The following MAML2 variants were observed in gnomAD, a reference collection of about 807,000 sequenced individuals.
The protein encoded by MAML2 is mastermind-like protein 2.
MAML2 carries 22 observed loss-of-function variants against 96.1 expected under a neutral mutation model. The ratio of observed to expected loss-of-function variants is 0.23; its 90% CI spans 0.16 to 0.33. MAML2 has a LOEUF of 0.33. MAML2 is among the 10% of genes least tolerant of loss of function. MAML2 has a pLI of 1.00. For synonymous variants in MAML2, 561 were observed against 521.3 expected, an observed-to-expected ratio of 1.08 and a Z score of -1.04; for missense variants, 1,367 against 1,392.4, an observed-to-expected ratio of 0.98 and a Z score of 0.29.
chr11:95,990,613 G>C (rs1230930834), intron 3 of MAML2, among the ~76,000 whole-genome samples: 1 of 152,134 alleles, frequency 6.6e-6, no homozygotes, highest in Non-Finnish European at 1.5e-5. Flanking sequence ...CTTCTCTAGG[G>C]TGAAGAGAGG....
At chr11:96,105,525 A>C (rs950738885) in intron 1 of MAML2, among the ~76,000 whole-genome samples, 1 of 152,244 alleles carries the variant, frequency 6.6e-6, no homozygotes, top group Non-Finnish European at 1.5e-5. Context: ...TCCATTACAA[A>C]GGAATGTTAA....
At chr11:96,198,368 G>T (rs1050617203) in intron 1 of MAML2, among the ~76,000 whole-genome samples, 1 of 152,156 alleles carries the variant, frequency 6.6e-6, no homozygotes, top group Non-Finnish European at 1.5e-5. Flanking sequence ...ACACAGAATC[G>T]CTTGTCAAAC....
At chr11:96,026,155 A>G (rs1858513561) in intron 2 of MAML2, among the ~76,000 whole-genome samples, 1 of 152,216 alleles carries the variant, frequency 6.6e-6, no homozygotes, top group Non-Finnish European at 1.5e-5. Flanking sequence ...CACCATCTGG[A>G]CTGCACTGTT....
At chr11:96,300,182 G>A in intron 1 of MAML2, among the ~76,000 whole-genome samples, 1 of 152,170 alleles carries the variant, frequency 6.6e-6, no homozygotes, top group East Asian at 1.9e-4. Context: ...TAAGGCCATG[G>A]GAATTAGTTC....
chr11:96,133,537 G>A (rs1860579131), intron 1 of MAML2, among the ~76,000 whole-genome samples: 1 of 151,944 alleles, frequency 6.6e-6, no homozygotes, highest in Admixed American at 6.6e-5. Context: ...CCTTCTCTTG[G>A]TCAATCGACT....
intron 2 of MAML2, among the ~76,000 whole-genome samples, chr11:96,057,075 C>A (rs1859081859): frequency 6.6e-6 from 1 of 151,972 alleles, no homozygotes. Context: ...GGTTTGCCCC[C>A]AAATCACCCA....
chr11:96,203,184 C>A (rs1434471341), intron 1 of MAML2, among the ~76,000 whole-genome samples: 1 of 152,158 alleles, frequency 6.6e-6, no homozygotes, highest in Non-Finnish European at 1.5e-5. Context: ...GTTTTAGGCA[C>A]TGGGCATTCA....
At chr11:96,202,031 T>G (rs1486915026) in intron 1 of MAML2, among the ~76,000 whole-genome samples, 1 of 149,664 alleles carries the variant, frequency 6.7e-6, no homozygotes, top group East Asian at 2.0e-4. Context: ...GAAAAAATCA[T>G]GTAAGAATTG....
intron 4 of MAML2, among the ~76,000 whole-genome samples, chr11:95,984,043 C>T (rs1196159546): frequency 2.0e-5 from 3 of 152,070 alleles, no homozygotes; most frequent in South Asian, 4.2e-4. Context: ...GCTCCATTCA[C>T]GGTAAGGGCC....
intron 1 of MAML2, among the ~76,000 whole-genome samples, chr11:96,338,751 C>T (rs985792564): frequency 6.6e-6 from 1 of 152,126 alleles, no homozygotes; most frequent in African/African-American, 2.4e-5. Flanking sequence ...GTTATACATT[C>T]AACACACCTA....
intron 1 of MAML2, among the ~76,000 whole-genome samples, chr11:96,149,356 G>C (rs1373778494): frequency 1.3e-5 from 2 of 148,354 alleles, no homozygotes; most frequent in Non-Finnish European, 3.0e-5. Flanking sequence ...GGTGGAGGCT[G>C]CGGTGAGCTG....
chr11:96,221,323 A>G (rs1417723843), intron 1 of MAML2, among the ~76,000 whole-genome samples: 1 of 152,140 alleles, frequency 6.6e-6, no homozygotes, highest in African/African-American at 2.4e-5. Flanking sequence ...CTTTAAAGTC[A>G]TTCCAAACCT....
intron 1 of MAML2, among the ~76,000 whole-genome samples, chr11:96,267,395 G>A (rs16923486): frequency 0.011 from 1,668 of 152,216 alleles, 26 homozygotes; most frequent in African/African-American, 0.038. Flanking sequence ...TTTCAACACT[G>A]TGTGGAATTA....
intron 2 of MAML2, among the ~76,000 whole-genome samples, chr11:96,079,269 A>G (rs1410938633): frequency 6.6e-6 from 1 of 152,210 alleles, no homozygotes; most frequent in Non-Finnish European, 1.5e-5. Context: ...TAAGTCTTTA[A>G]CCAGACTTAA....
chr11:96,242,158 C>T (rs1317845789), intron 1 of MAML2, among the ~76,000 whole-genome samples: 2 of 152,164 alleles, frequency 1.3e-5, no homozygotes, highest in Non-Finnish European at 2.9e-5. Flanking sequence ...CAAGTGGATG[C>T]CCCTCTTTCT....
intron 2 of MAML2, among the ~76,000 whole-genome samples, chr11:96,044,863 T>C (rs923950580): frequency 6.6e-6 from 1 of 152,230 alleles, no homozygotes; most frequent in Non-Finnish European, 1.5e-5. Flanking sequence ...TCCATTGTAA[T>C]GAAAGGGCTC....
At chr11:96,072,564 A>G (rs1253953038) in intron 2 of MAML2, among the ~76,000 whole-genome samples, 1 of 152,256 alleles carries the variant, frequency 6.6e-6, no homozygotes, top group Non-Finnish European at 1.5e-5. Context: ...CATAGTTTAC[A>G]TAAAGTAAGC....
chr11:96,214,865 C>A (rs746558267), intron 1 of MAML2, among the ~76,000 whole-genome samples: 1 of 152,214 alleles, frequency 6.6e-6, no homozygotes. Context: ...AATGCACATG[C>A]TCTGACCTTT....
chr11:96,274,406 T>A (rs1862958938), intron 1 of MAML2, among the ~76,000 whole-genome samples: 1 of 152,182 alleles, frequency 6.6e-6, no homozygotes, highest in African/African-American at 2.4e-5. Context: ...GGATTTCTCA[T>A]CTTTTTCTTT....
Sources: allele counts gnomAD v4.1 joint callset (sites outside exome capture counted in the v4.1 genomes callset), GRCh38; gene constraint gnomAD v4.1.1; transcripts MANE v1.5; gene names NCBI Gene and HGNC (gene_info 2026-07-23, HGNC 2026-07-21).